The following FECH variants were observed in gnomAD, a reference collection of about 807,000 sequenced individuals.
The protein encoded by FECH is ferrochelatase.
A neutral mutation model predicts 56.9 loss-of-function variants in FECH; 40 were observed. The ratio of observed to expected loss-of-function variants is 0.70; its 90% CI spans 0.55 to 0.92. The LOEUF (loss-of-function observed/expected upper bound fraction) is 0.92, where lower values mean the gene tolerates loss of function less well. FECH is among the 40% of genes least tolerant of loss of function. The pLI is 0.00. For missense variants in FECH, 431 were observed against 529.1 expected (o/e 0.81, Z 1.82); for synonymous variants, 175 against 198.6 (o/e 0.88, Z 1.00).
chr18:57,569,326 G>A (rs1286823852), intron 4 of FECH, among the ~76,000 whole-genome samples: 1 of 152,132 alleles, frequency 6.6e-6, no homozygotes, highest in Admixed American at 6.5e-5. Context: ...TATGAAACCA[G>A]TGCAAGTCTC....
chr18:57,563,534 C>T (rs1336319538), intron 5 of FECH, among the ~76,000 whole-genome samples: 4 of 121,000 alleles, frequency 3.3e-5, no homozygotes, highest in Non-Finnish European at 6.4e-5. Context: ...GAGCTGAGAT[C>T]GTGCCATTGC....
chr18:57,573,281 G>A lies in FECH; in HGVS notation c.279C>T (p.Phe93=). 3.1e-6 allele frequency: 5 copies of A among 1,613,962 alleles called. No homozygotes were observed. Among genetic ancestry groups the A allele is most frequent in the Non-Finnish European group, 3.4e-6 (4 of 1,179,806 alleles). Residue 93 remains phenylalanine, a synonymous_variant, in exon 3 of 11, where the codon TTC becomes TTT. Coordinates refer to ENST00000262093, the MANE Select transcript of FECH (RefSeq NM_000140.5). ...GDVHDFLLRL[F]LDRDLMTLPI... The stretch of plus-strand genomic sequence containing the variant: ...GAAGTGTCATGAGGTCTCGGTCCAA[G>A]AAGAGTCTCAGAAGGAAGTCGTGAA...
At chr18:57,563,809 CTGAG>C (rs1205654766) in intron 5 of FECH, among the ~76,000 whole-genome samples, 1 of 151,940 alleles carries the variant, frequency 6.6e-6, no homozygotes, top group African/African-American at 2.4e-5. Flanking sequence ...ATTCTGCATG[CTGAG>C]TATTTTGAGC....
chr18:57,547,615 C>G lies in FECH; in HGVS notation c.*3097G>C, dbSNP rs112078420. ...TTAAACCTCTTTCCTTTGTAAATGA[C>G]CCAGTCTCTGTATTTCTTTTCTTTT... is the stretch of plus-strand genomic sequence containing the variant. On this transcript the variant is annotated 3_prime_UTR_variant, in exon 11 of 11. Transcript: ENST00000262093. Among the ~76,000 whole-genome samples, 220 of 152,206 alleles carry G rather than the reference C, an allele frequency of 1.4e-3. No individual in the cohort carries two copies. The highest frequency in any genetic ancestry group is 4.9e-3 in the African/African-American group (202 of 41,554).
Position 57,580,175 on chromosome 18 carries a change from C to G in FECH, c.92G>C (p.Cys31Ser), listed in dbSNP as rs368385211. Residue 31 changes from cysteine to serine, a missense_variant, in exon 2 of 11, where the codon TGT becomes TCT. By Grantham distance (112) the Cys-to-Ser change is moderately radical. Coordinates refer to ENST00000262093, the MANE Select transcript of FECH (RefSeq NM_000140.5). ...ACCTGACTTCCACCTCCATGGCTGA[C>G]AGACCCTCCAGCTGCTGGATGCCAC... ...DPLASSSWRVCQPWRWKSGAA... is the reference protein window; with the variant it reads ...DPLASSSWRVSQPWRWKSGAA... 72 of 1,614,086 alleles carry G rather than the reference C, an allele frequency of 4.5e-5. No individual in the cohort carries two copies. Among genetic ancestry groups the G allele is most frequent in the Admixed American group, 8.3e-5 (5 of 60,002 alleles).
chr18:57,566,342 C>T (rs1432540274), intron 5 of FECH, 105 bp downstream of exon 5: 5 of 1,485,122 alleles, frequency 3.4e-6, no homozygotes, highest in Non-Finnish European at 3.8e-6. Context: ...GTTGAATTTG[C>T]CATTCAAATT....
At position 57,544,833 on chromosome 18, in the gene FECH, G is replaced by C. The variant is rs1233486286; in HGVS notation, c.*5879C>G. ...GACAAAAAAAAGGGCGAAATAATTA[G>C]AAAGTAATGAATTTAGAATGTTACC... On this transcript the variant is annotated 3_prime_UTR_variant, in exon 11 of 11. Transcript: ENST00000262093. Among the ~76,000 whole-genome samples the C allele has an allele frequency of 6.6e-6, 1 of 152,084 alleles. No homozygotes were observed. The highest frequency in any genetic ancestry group is 1.5e-5 in the Non-Finnish European group (1 of 68,012).
At chr18:57,566,715 GT>G in intron 4 of FECH, 134 bp from the exon 5 acceptor site, 1 of 1,057,182 alleles carries the variant, frequency 9.5e-7, no homozygotes, top group Middle Eastern at 2.7e-4. Context: ...GTGAAGGCAA[GT>G]TTAGCATATT....
At position 57,547,640 on chromosome 18, in the gene FECH, T is replaced by C. The variant is rs2050736947; in HGVS notation, c.*3072A>G. Reference sequence around the variant, plus strand: ...CCCAGTCTCTGTATTTCTTTTCTTTTTTTTGGTTTTGGGACAGGGTCTTCC... The same window carrying C: ...CCCAGTCTCTGTATTTCTTTTCTTTCTTTTGGTTTTGGGACAGGGTCTTCC... On this transcript the variant is annotated 3_prime_UTR_variant, in exon 11 of 11. Transcript: ENST00000262093. 6.6e-6 allele frequency among the ~76,000 whole-genome samples: 1 copy of C among 152,086 alleles called. No homozygotes were observed. The highest frequency in any genetic ancestry group is 2.4e-5 in the African/African-American group (1 of 41,412).
At chr18:57,579,283 G>GTGTGTGTA (rs1360044209) in intron 2 of FECH, among the ~76,000 whole-genome samples, 2 of 81,098 alleles carry the variant, frequency 2.5e-5, no homozygotes, top group Non-Finnish European at 5.3e-5. Context: ...ATGTGTGTGT[G>GTGTGTGTA]TATATATGTG....
At position 57,571,396 on chromosome 18, in the gene FECH, G is replaced by C. The variant is rs766300959; in HGVS notation, c.459C>G (p.Asn153Lys). ...MVKLLDELSP[N>K]TAPHKYYIGF... Reference sequence around the variant, plus strand: ...GTTAATGAAGAAACACCATACCTGTGTTGGGGGACAATTCATCCAGCAGCT... The same window carrying C: ...GTTAATGAAGAAACACCATACCTGTCTTGGGGGACAATTCATCCAGCAGCT... Residue 153 changes from asparagine (N) to lysine (K), a missense_variant, in exon 4 of 11, where the codon AAC becomes AAG. Physicochemically the swap from Asn to Lys is moderately conservative, Grantham distance 94. Transcript: ENST00000262093. The C allele has an allele frequency of 6.2e-7, 1 of 1,614,040 alleles. No individual in the cohort carries two copies. The highest frequency in any genetic ancestry group is 8.5e-7 in the Non-Finnish European group (1 of 1,179,976).
chr18:57,558,162 A>T (rs1339692703), intron 7 of FECH, among the ~76,000 whole-genome samples: 1 of 152,212 alleles, frequency 6.6e-6, no homozygotes, highest in Non-Finnish European at 1.5e-5. Flanking sequence ...CCCTGTGAAG[A>T]TGTAATTATC....
chr18:57,578,167 C>G (rs2051210021), intron 2 of FECH, among the ~76,000 whole-genome samples: 1 of 152,118 alleles, frequency 6.6e-6, no homozygotes, highest in Non-Finnish European at 1.5e-5. Flanking sequence ...CAGTTTCTAT[C>G]AAATCCCAAC....
intron 2 of FECH, among the ~76,000 whole-genome samples, chr18:57,573,900 A>C (rs772762811): frequency 2.5e-4 from 38 of 152,262 alleles, no homozygotes; most frequent in Non-Finnish European, 3.5e-4. Flanking sequence ...GGGTTCCCCC[A>C]AAATTTTAAA....
chr18:57,570,105 G>A (rs1407881535), intron 4 of FECH, among the ~76,000 whole-genome samples: 1 of 147,720 alleles, frequency 6.8e-6, no homozygotes, highest in Non-Finnish European at 1.5e-5. Flanking sequence ...TGTTGCTCAG[G>A]CTGGTCTCAA....
chr18:57,570,377 A>G (rs1568150289), intron 4 of FECH, among the ~76,000 whole-genome samples: 1 of 152,318 alleles, frequency 6.6e-6, no homozygotes, highest in East Asian at 1.9e-4. Context: ...AGCACAGTTG[A>G]ACAATTTTCG....
intron 10 of FECH, 188 bp from the exon 11 acceptor site, chr18:57,551,034 AAC>A: frequency 1.4e-6 from 1 of 724,428 alleles, no homozygotes; most frequent in Non-Finnish European, 2.3e-6. Context: ...AGAAAGTTAA[AAC>A]AGAGATTTCA....
intron 1 of FECH, among the ~76,000 whole-genome samples, chr18:57,586,132 C>G (rs1043969647): frequency 6.6e-6 from 1 of 152,208 alleles, no homozygotes; most frequent in Non-Finnish European, 1.5e-5. Flanking sequence ...CTTTCCTCAG[C>G]AGGGAGGGAA....
rs59569925 is a variant in FECH, at chr18:57,549,424, T to TTTAA, written c.*1287_*1288insTTAA. On this transcript the variant is annotated 3_prime_UTR_variant, in exon 11 of 11. Coordinates refer to ENST00000262093, the MANE Select transcript of FECH (RefSeq NM_000140.5). Reference sequence around the variant, plus strand: ...TAATACTTCCACTTTATAAACTGGCTAAAAAAAAAAAAAAAAAGAAACGCT... The same window carrying TTTAA: ...TAATACTTCCACTTTATAAACTGGCTTTAAAAAAAAAAAAAAAAAAAGAAACGCT... 3.5e-4 allele frequency: 50 copies of TTTAA among 141,720 alleles called. No homozygotes were observed. Among genetic ancestry groups the TTTAA allele is most frequent in the African/African-American group, 1.3e-3 (50 of 38,450 alleles). The allele number at this position is 141,720 out of a possible 1,614,324, so 8.8% of individuals were successfully genotyped here. A position where few individuals can be genotyped will look rare whatever the true frequency, so the allele number is the denominator to read the frequency against.
Sources: allele counts gnomAD v4.1 joint callset (sites outside exome capture counted in the v4.1 genomes callset), GRCh38; gene constraint gnomAD v4.1.1; transcripts MANE v1.5; gene names NCBI Gene and HGNC (gene_info 2026-07-23, HGNC 2026-07-21).